AMOTL1: variants seen among roughly 807,000 people sequenced by gnomAD.
AMOTL1 encodes angiomotin like 1, also known as angiomotin-like protein 1.
In AMOTL1, 45 loss-of-function variants were observed where a neutral mutation model predicts 102.9. The ratio of observed to expected loss-of-function variants is 0.44; its 90% confidence interval spans 0.34 to 0.56. AMOTL1 has a LOEUF of 0.56. Among genes scored for constraint, AMOTL1 ranks in the 20% least tolerant of loss-of-function variants. The pLI, the probability that AMOTL1 is intolerant of heterozygous loss-of-function variation, is 0.01. For missense variants in AMOTL1, 1,114 were observed against 1,225.6 expected (o/e 0.91, Z 1.36); for synonymous variants, 481 against 484.7 (o/e 0.99, Z 0.10).
intron 1 of AMOTL1, among the ~76,000 whole-genome samples, chr11:94,788,557 C>A (rs997353995): frequency 6.6e-6 from 1 of 152,214 alleles, no homozygotes. Context: ...TATGTCCCTT[C>A]CGTCAGTCAA....
intron 1 of AMOTL1, among the ~76,000 whole-genome samples, chr11:94,773,500 G>C (rs1218669109): frequency 6.6e-6 from 1 of 152,168 alleles, no homozygotes. Context: ...CAGATTAGGG[G>C]TGTGGCATGT....
chr11:94,820,141 A>C (rs1951837491), intron 3 of AMOTL1, among the ~76,000 whole-genome samples: 1 of 152,124 alleles, frequency 6.6e-6, no homozygotes, highest in African/African-American at 2.4e-5. Flanking sequence ...ATTTGTGTAG[A>C]GCCCAAAATC....
At chr11:94,841,050 G>T (rs1017472956) in intron 6 of AMOTL1, among the ~76,000 whole-genome samples, 9 of 152,010 alleles carry the variant, frequency 5.9e-5, no homozygotes, top group African/African-American at 2.2e-4. Context: ...ATTATGGCCA[G>T]GTTTTATGGT....
chr11:94,867,502 C>A (rs1343128750), intron 11 of AMOTL1, among the ~76,000 whole-genome samples: 2 of 152,194 alleles, frequency 1.3e-5, no homozygotes, highest in Non-Finnish European at 2.9e-5. Context: ...CATGTCTAAA[C>A]CAGGCCTGGG....
At chr11:94,868,880 A>G (rs971409809) in intron 11 of AMOTL1, among the ~76,000 whole-genome samples, 28 of 151,282 alleles carry the variant, frequency 1.9e-4, no homozygotes, top group African/African-American at 6.3e-4. Flanking sequence ...TGAATAATTT[A>G]TTTGTATCCT....
At chr11:94,843,400 G>T (rs574757848) in intron 6 of AMOTL1, among the ~76,000 whole-genome samples, 1 of 152,256 alleles carries the variant, frequency 6.6e-6, no homozygotes, top group Admixed American at 6.5e-5. Context: ...TTAAGAAGGG[G>T]CCCCTGAGTG....
At chr11:94,831,211 G>A (rs1045160912) in intron 5 of AMOTL1, among the ~76,000 whole-genome samples, 5 of 152,176 alleles carry the variant, frequency 3.3e-5, no homozygotes, top group African/African-American at 1.2e-4. Context: ...CCTCTCCCTA[G>A]CTGCCTGCTG....
At chr11:94,847,447 C>A in intron 6 of AMOTL1, among the ~76,000 whole-genome samples, 1 of 152,110 alleles carries the variant, frequency 6.6e-6, no homozygotes, top group East Asian at 1.9e-4. Context: ...TATTTTTGAG[C>A]CAGATGCTCT....
At chr11:94,744,546 G>A (rs775216012) in intron 3 of AMOTL1, among the ~76,000 whole-genome samples, 12 of 152,180 alleles carry the variant, frequency 7.9e-5, no homozygotes, top group Non-Finnish European at 1.2e-4. Flanking sequence ...CCCCTCCCCA[G>A]AGGTCAGGTA....
chr11:94,741,682 C>T (rs896544844), intron 3 of AMOTL1, among the ~76,000 whole-genome samples: 2 of 152,128 alleles, frequency 1.3e-5, no homozygotes, highest in African/African-American at 4.8e-5. Flanking sequence ...CTAACTCTTC[C>T]TGCCACCCAT....
chr11:94,721,536 G>A (rs1950174151), intron 1 of AMOTL1, among the ~76,000 whole-genome samples: 1 of 151,994 alleles, frequency 6.6e-6, no homozygotes, highest in South Asian at 2.1e-4. Flanking sequence ...CCCCCATGAT[G>A]GAATTGGTAT....
At chr11:94,719,219 A>T (rs1055326618) in intron 1 of AMOTL1, among the ~76,000 whole-genome samples, 6 of 152,046 alleles carry the variant, frequency 3.9e-5, no homozygotes, top group African/African-American at 1.2e-4. Context: ...GCTACCAAAT[A>T]ATTTATTTAT....
chr11:94,794,329 G>A (rs1352598025), intron 1 of AMOTL1, among the ~76,000 whole-genome samples: 4 of 152,192 alleles, frequency 2.6e-5, no homozygotes, highest in Non-Finnish European at 4.4e-5. Flanking sequence ...CAGTGTTACT[G>A]TAGTACTATC....
At chr11:94,801,899 A>T (rs1333261620) in intron 3 of AMOTL1, among the ~76,000 whole-genome samples, 1 of 152,188 alleles carries the variant, frequency 6.6e-6, no homozygotes, top group Non-Finnish European at 1.5e-5. Context: ...ATTTTCATGA[A>T]GGGCTTTATT....
intron 10 of AMOTL1, among the ~76,000 whole-genome samples, chr11:94,865,374 G>A (rs1047230077): frequency 2.0e-5 from 3 of 152,164 alleles, no homozygotes; most frequent in African/African-American, 7.2e-5. Context: ...GGAACCCTGG[G>A]AGCCCTAGGC....
intron 4 of AMOTL1, among the ~76,000 whole-genome samples, chr11:94,822,654 C>T (rs1009508166): frequency 1.3e-5 from 2 of 152,072 alleles, no homozygotes; most frequent in Non-Finnish European, 2.9e-5. Flanking sequence ...GTAATTCCAG[C>T]CTGTGTAGTT....
rs544166876 is a variant in AMOTL1, at chr11:94,761,992, G to A, written c.136+21004G>A. 6.9e-4 allele frequency among the ~76,000 whole-genome samples: 105 copies of A among 152,282 alleles called. 1 individual carries two copies. The highest frequency in any genetic ancestry group is 3.9e-4 in the Admixed American group (6 of 15,308). On this transcript the variant is annotated intron_variant, in intron 3 of 4. Coordinates refer to the AMOTL1 transcript ENST00000299004. ...ATGGGGATTACAAGGGTTCTTTAGG[G>A]TGAACATTCTGAACTTCAGCTATTG...
At position 94,869,377 on chromosome 11, in the gene AMOTL1, A is replaced by G. The variant is rs2135745141; in HGVS notation, c.2668A>G (p.Met890Val). 6.2e-7 allele frequency: 1 copy of G among 1,608,758 alleles called. No individual in the cohort carries two copies. Among genetic ancestry groups the G allele is most frequent in the East Asian group, 2.2e-5 (1 of 44,566 alleles). ...GAGTGCCGAGCTCTTCTGGCCCAGC[A>G]TGGCCTCCCTTCCCAGCCGCGGCCG... ...DKSAELFWPS[M>V]ASLPSRGRLS... Residue 890 changes from methionine (M) to valine (V), a missense_variant, in exon 12 of 13, where the codon ATG becomes GTG. By Grantham distance (21) the Met-to-Val change is conservative (BLOSUM62 1). Coordinates refer to ENST00000433060, the MANE Select transcript of AMOTL1 (RefSeq NM_130847.3).
At chr11:94,769,593 G>C (rs945524496) in intron 1 of AMOTL1, among the ~76,000 whole-genome samples, 2 of 152,158 alleles carry the variant, frequency 1.3e-5, no homozygotes, top group African/African-American at 4.8e-5. Context: ...ATTTTTGTTC[G>C]AAGATTTTTG....
Sources: allele counts gnomAD v4.1 joint callset (sites outside exome capture counted in the v4.1 genomes callset), GRCh38; gene constraint gnomAD v4.1.1; transcripts MANE v1.5; gene names NCBI Gene and HGNC (gene_info 2026-07-23, HGNC 2026-07-21).